The following CCNY variants were observed in gnomAD, a reference collection of about 807,000 sequenced individuals.
CCNY encodes cyclin Y.
CCNY carries 19 observed loss-of-function variants against 42.8 expected under a neutral mutation model. The observed-to-expected ratio is 0.44, with a 90% confidence interval of 0.31 to 0.65. The LOEUF is 0.65. CCNY is among the 30% of genes least tolerant of loss of function. CCNY has a pLI of 0.07. For synonymous variants in CCNY, 165 were observed against 162.7 expected, an observed-to-expected ratio of 1.01 and a Z score of -0.11; for missense variants, 370 against 437.3, an observed-to-expected ratio of 0.85 and a Z score of 1.37.
At chr10:35,273,704 A>G (rs1673349562) in intron 3 of CCNY, among the ~76,000 whole-genome samples, 1 of 152,090 alleles carries the variant, frequency 6.6e-6, no homozygotes, top group African/African-American at 2.4e-5. Context: ...AGACAACATC[A>G]ACTCTCGCGA....
At chr10:35,459,315 C>T (rs1047870180) in intron 1 of CCNY, among the ~76,000 whole-genome samples, 8 of 151,888 alleles carry the variant, frequency 5.3e-5, no homozygotes, top group African/African-American at 1.4e-4. Flanking sequence ...CAGCCTGCAG[C>T]CTGCAGGCCG....
Position 35,304,543 on chromosome 10 carries a change from C to T in CCNY, c.-9+53917C>T, listed in dbSNP as rs1458491925. Among the ~76,000 whole-genome samples the T allele has an allele frequency of 7.4e-5, 4 of 53,962 alleles. 2 individuals are homozygous for T. 35.4% of individuals were successfully genotyped at this position (53,962 alleles called of 152,430 possible). On this transcript the variant is annotated intron_variant, in intron 3 of 11. Coordinates refer to the CCNY transcript ENST00000374706. ...GCCGGGATGGTCTCGATCTCTTGAC[C>T]TCGTGATCCGCCCGCCTCGGCCTCC...
intron 1 of CCNY, among the ~76,000 whole-genome samples, chr10:35,456,810 T>C (rs1168915681): frequency 6.6e-6 from 1 of 152,196 alleles, no homozygotes; most frequent in Non-Finnish European, 1.5e-5. Context: ...GAAAATACTG[T>C]AGGTGATTAT....
At chr10:35,371,377 G>C (rs1836933656) in intron 1 of CCNY, among the ~76,000 whole-genome samples, 1 of 152,154 alleles carries the variant, frequency 6.6e-6, no homozygotes, top group Non-Finnish European at 1.5e-5. Flanking sequence ...TGGATTAGTT[G>C]TCTTCCTTGC....
intron 1 of CCNY, among the ~76,000 whole-genome samples, chr10:35,456,931 AAAAGAG>A (rs1839049008): frequency 6.6e-6 from 1 of 152,204 alleles, no homozygotes; most frequent in African/African-American, 2.4e-5. Flanking sequence ...CATGGCTATA[AAAAGAG>A]GTTGAATTGT....
At chr10:35,348,751 G>A (rs146603409) in intron 1 of CCNY, among the ~76,000 whole-genome samples, 4 of 152,336 alleles carry the variant, frequency 2.6e-5, no homozygotes, top group African/African-American at 4.8e-5. Context: ...TGTGTGCTGT[G>A]CCCTGGAGAA....
At chr10:35,412,711 A>G (rs1029779331) in intron 1 of CCNY, among the ~76,000 whole-genome samples, 2 of 150,326 alleles carry the variant, frequency 1.3e-5, no homozygotes, top group East Asian at 1.9e-4. Context: ...AAAAAAAAAA[A>G]TTAGCTGGGT....
intron 1 of CCNY, among the ~76,000 whole-genome samples, chr10:35,382,306 C>G (rs1275008752): frequency 6.6e-6 from 1 of 152,204 alleles, no homozygotes; most frequent in African/African-American, 2.4e-5. Context: ...TCAGGCCTGT[C>G]TGCAGTGCTG....
chr10:35,329,087 C>T (rs115795937), intron 3 of CCNY, among the ~76,000 whole-genome samples: 2 of 152,206 alleles, frequency 1.3e-5, no homozygotes, highest in Non-Finnish European at 2.9e-5. Context: ...TTTGGAACAT[C>T]GATAAGGAAA....
intron 5 of CCNY, among the ~76,000 whole-genome samples, chr10:35,527,796 C>T (rs1021671244): frequency 2.0e-5 from 3 of 152,298 alleles, no homozygotes; most frequent in Admixed American, 6.5e-5. Context: ...GAGGGATGCC[C>T]GTCTGCATGC....
intron 7 of CCNY, among the ~76,000 whole-genome samples, chr10:35,546,021 T>C (rs1841108099): frequency 1.3e-5 from 2 of 152,152 alleles, no homozygotes; most frequent in African/African-American, 2.4e-5. Flanking sequence ...CTCAAAATAG[T>C]ATGTTTATGA....
At chr10:35,416,348 C>T (rs536581840) in intron 1 of CCNY, among the ~76,000 whole-genome samples, 1 of 152,256 alleles carries the variant, frequency 6.6e-6, no homozygotes, top group South Asian at 2.1e-4. Flanking sequence ...CCTGTAATCT[C>T]AGCACTTTGG....
intron 1 of CCNY, among the ~76,000 whole-genome samples, chr10:35,460,341 G>T (rs577658164): frequency 1.3e-5 from 2 of 152,316 alleles, no homozygotes; most frequent in East Asian, 3.9e-4. Flanking sequence ...CCACCTTGTT[G>T]AAACAGTGTC....
At chr10:35,493,696 A>T (rs1274253704) in intron 2 of CCNY, among the ~76,000 whole-genome samples, 1 of 152,166 alleles carries the variant, frequency 6.6e-6, no homozygotes, top group Non-Finnish European at 1.5e-5. Flanking sequence ...GGTGCATATG[A>T]TCCATTTCCA....
At chr10:35,321,277 G>A (rs767057047) in intron 3 of CCNY, among the ~76,000 whole-genome samples, 2 of 151,802 alleles carry the variant, frequency 1.3e-5, no homozygotes, top group Non-Finnish European at 2.9e-5. Flanking sequence ...AATTAAAGAC[G>A]CAAATAAATG....
chr10:35,547,471 C>T (rs1047809308), intron 7 of CCNY, among the ~76,000 whole-genome samples: 4 of 152,074 alleles, frequency 2.6e-5, no homozygotes, highest in East Asian at 3.9e-4. Flanking sequence ...TTTGGCTTCC[C>T]GTGTGCCCAT....
intron 1 of CCNY, among the ~76,000 whole-genome samples, chr10:35,420,581 T>C: frequency 6.6e-6 from 1 of 152,216 alleles, no homozygotes; most frequent in East Asian, 1.9e-4. Flanking sequence ...GAGAGTGCAC[T>C]GTGGGATCTA....
chr10:35,307,819 T>TATATA (rs1491097899), intron 3 of CCNY, among the ~76,000 whole-genome samples: 1 of 33,670 alleles, frequency 3.0e-5, no homozygotes, highest in African/African-American at 7.8e-5. Flanking sequence ...TATATATATA[T>TATATA]TTTTTTTTTT....
intron 1 of CCNY, among the ~76,000 whole-genome samples, chr10:35,364,778 T>C (rs769551932): frequency 3.9e-5 from 6 of 152,226 alleles, no homozygotes; most frequent in African/African-American, 9.6e-5. Flanking sequence ...CTCATTCTTA[T>C]AATTACTGCA....
Sources: gnomAD v4.1 joint callset for allele counts (sites outside exome capture counted in the v4.1 genomes callset) on GRCh38, gnomAD v4.1.1 for gene constraint, MANE v1.5 for transcripts, NCBI Gene and HGNC (gene_info 2026-07-23, HGNC 2026-07-21) for gene names.